Variants in MEMO1 observed in about 807,000 individuals in gnomAD.
The protein encoded by MEMO1 is protein MEMO1.
Under a neutral mutation model 45.2 loss-of-function variants are expected in MEMO1, and 6 were observed. The observed-to-expected ratio is 0.13, with a 90% confidence interval of 0.07 to 0.26. The LOEUF is 0.26. Among genes scored for constraint, MEMO1 ranks in the 10% least tolerant of loss-of-function variants. The pLI is 1.00. For missense variants in MEMO1, 184 were observed against 370.5 expected (o/e 0.50, Z 4.13); for synonymous variants, 78 against 124.3 (o/e 0.63, Z 2.48).
chr2:31,941,639 C>T (rs1165027504), intron 3 of MEMO1, among the ~76,000 whole-genome samples: 1 of 152,126 alleles, frequency 6.6e-6, no homozygotes, highest in Non-Finnish European at 1.5e-5. Flanking sequence ...AAGTCATTTG[C>T]TGTAAGTTTT....
At chr2:31,896,283 ACC>A (rs1677800799) in intron 6 of MEMO1, among the ~76,000 whole-genome samples, 1 of 152,196 alleles carries the variant, frequency 6.6e-6, no homozygotes, top group Non-Finnish European at 1.5e-5. Context: ...TTTGCTTCAC[ACC>A]ATATGCAAAA....
rs111557003 is a variant in MEMO1 at position 31,899,768 on chromosome 2, T to C, written c.438-7634A>G. Among the ~76,000 whole-genome samples, 694 of 152,292 alleles carry C rather than the reference T, an allele frequency of 4.6e-3. 12 individuals are homozygous for C. The highest frequency in any genetic ancestry group is 0.016 in the African/African-American group (645 of 41,550). The stretch of plus-strand genomic sequence containing the variant: ...AGGCAACCTACAGAATGGGAGAAAC[T>C]TTTGCAATCTATCCATCTGACAAAG... On this transcript the variant is annotated intron_variant, in intron 6 of 9. Transcript: ENST00000404530.
At position 31,913,517 on chromosome 2, in the gene MEMO1, GTTT is replaced by G. The variant is rs5830218; in HGVS notation, c.437+4406_437+4408del. ...TATTTGTAGCCAAAGATGATTAAGA[GTTT>G]TTTTTTTTTTTTATTTTTTGAAAAT... On this transcript the variant is annotated intron_variant, in intron 6 of 9. Coordinates refer to ENST00000404530, the MANE Select transcript of MEMO1 (RefSeq NM_001301833.4). Among the ~76,000 whole-genome samples, 334 of 136,064 alleles carry G rather than the reference GTTT, an allele frequency of 2.5e-3. 4 individuals carry two copies. The highest frequency in any genetic ancestry group is 8.3e-3 in the African/African-American group (313 of 37,690). The allele number at this position is 136,064 out of a possible 152,430, so 89.3% of individuals were successfully genotyped here.
At chr2:31,986,996 A>G (rs1469995590) in intron 2 of MEMO1, among the ~76,000 whole-genome samples, 1 of 152,106 alleles carries the variant, frequency 6.6e-6, no homozygotes, top group African/African-American at 2.4e-5. Context: ...GGAGAAAACA[A>G]TGGCCGAAGT....
At chr2:31,916,998 T>C (rs1186364984) in intron 6 of MEMO1, among the ~76,000 whole-genome samples, 1 of 152,186 alleles carries the variant, frequency 6.6e-6, no homozygotes, top group African/African-American at 2.4e-5. Flanking sequence ...CTGAATATTA[T>C]GAAAAGGCCT....
chr2:31,942,564 T>C (rs904241967), intron 3 of MEMO1, among the ~76,000 whole-genome samples: 1 of 151,978 alleles, frequency 6.6e-6, no homozygotes, highest in African/African-American at 2.4e-5. Context: ...TGGAGTGCAG[T>C]GGCATGATCT....
At chr2:31,981,238 GTAGT>G (rs1670601591) in intron 2 of MEMO1, among the ~76,000 whole-genome samples, 1 of 152,210 alleles carries the variant, frequency 6.6e-6, no homozygotes, top group Non-Finnish European at 1.5e-5. Flanking sequence ...CACAGCAGGA[GTAGT>G]TAGAGTAAAG....
At chr2:31,983,867 T>TAA (rs1376889686) in intron 2 of MEMO1, among the ~76,000 whole-genome samples, 1 of 152,202 alleles carries the variant, frequency 6.6e-6, no homozygotes, top group Non-Finnish European at 1.5e-5. Context: ...AGAGAGTGCT[T>TAA]AAAAGTCCAA....
chr2:31,995,327 C>CG (rs1672457827), intron 2 of MEMO1, among the ~76,000 whole-genome samples: 1 of 151,974 alleles, frequency 6.6e-6, no homozygotes, highest in Non-Finnish European at 1.5e-5. Flanking sequence ...TGGTGGGCAC[C>CG]TGTAATCCCA....
intron 2 of MEMO1, among the ~76,000 whole-genome samples, chr2:31,967,719 C>CA (rs1330799460): frequency 1.3e-5 from 2 of 151,860 alleles, no homozygotes; most frequent in Non-Finnish European, 2.9e-5. Flanking sequence ...GCTGGGACAA[C>CA]AGGGCATGAG....
intron 2 of MEMO1, among the ~76,000 whole-genome samples, chr2:32,007,736 CACAAT>C (rs1674280070): frequency 6.6e-6 from 1 of 152,134 alleles, no homozygotes; most frequent in African/African-American, 2.4e-5. Context: ...AGAGAAATAA[CACAAT>C]ACAAGTCCAA....
intron 2 of MEMO1, among the ~76,000 whole-genome samples, chr2:31,955,545 C>A (rs1456460907): frequency 7.2e-5 from 11 of 152,238 alleles, no homozygotes; most frequent in Admixed American, 2.6e-4. Context: ...TTAAAATCTT[C>A]TGTTTTAGTC....
intron 8 of MEMO1, among the ~76,000 whole-genome samples, chr2:31,882,745 T>C (rs980986721): frequency 2.6e-5 from 4 of 152,146 alleles, no homozygotes; most frequent in African/African-American, 9.7e-5. Flanking sequence ...CTATGATGTC[T>C]TTTATTTCCA....
At chr2:31,946,368 T>C (rs1049477816) in intron 2 of MEMO1, among the ~76,000 whole-genome samples, 1 of 152,194 alleles carries the variant, frequency 6.6e-6, no homozygotes, top group African/African-American at 2.4e-5. Context: ...ACAGTAAATT[T>C]GTAAATTCCC....
intron 6 of MEMO1, among the ~76,000 whole-genome samples, chr2:31,905,091 A>G (rs971934878): frequency 6.6e-6 from 1 of 152,044 alleles, no homozygotes; most frequent in African/African-American, 2.4e-5. Context: ...AAAATTGGCC[A>G]GGGGTGGGGG....
At chr2:31,949,902 CCTG>C (rs1181844140) in intron 2 of MEMO1, among the ~76,000 whole-genome samples, 1 of 145,678 alleles carries the variant, frequency 6.9e-6, no homozygotes, top group African/African-American at 2.6e-5. Flanking sequence ...AATATATATA[CCTG>C]CTATGTACCC....
chr2:32,006,488 G>C (rs1674083337), intron 2 of MEMO1, among the ~76,000 whole-genome samples: 1 of 151,228 alleles, frequency 6.6e-6, no homozygotes, highest in Non-Finnish European at 1.5e-5. Context: ...AAATATTTCA[G>C]ACTTTGTGTG....
intron 2 of MEMO1, among the ~76,000 whole-genome samples, chr2:31,981,083 T>C (rs557889714): frequency 2.0e-5 from 3 of 152,174 alleles, no homozygotes; most frequent in Non-Finnish European, 2.9e-5. Flanking sequence ...AATGTCAAAA[T>C]AGTAGAGAAG....
intron 9 of MEMO1, among the ~76,000 whole-genome samples, 195 bp downstream of exon 9, chr2:31,869,653 T>C (rs1234436247): frequency 2.0e-5 from 3 of 152,082 alleles, no homozygotes; most frequent in South Asian, 2.1e-4. Flanking sequence ...ACAGAAAGTA[T>C]TGAACTGTAT....
Sources: gnomAD v4.1 joint callset for allele counts (sites outside exome capture counted in the v4.1 genomes callset) on GRCh38, gnomAD v4.1.1 for gene constraint, MANE v1.5 for transcripts, NCBI Gene and HGNC (gene_info 2026-07-23, HGNC 2026-07-21) for gene names.